Variants in NUMB observed in about 807,000 individuals in gnomAD.
The protein encoded by NUMB is protein numb homolog.
NUMB carries 29 observed loss-of-function variants against 59.7 expected under a neutral mutation model. The ratio of observed to expected loss-of-function variants is 0.49; its 90% CI spans 0.36 to 0.66. The LOEUF is 0.66. Among genes scored for constraint, NUMB ranks in the 30% least tolerant of loss-of-function variants. The pLI is 0.00. For missense variants in NUMB, 723 were observed against 822.0 expected (o/e 0.88, Z 1.47); for synonymous variants, 288 against 288.2 (o/e 1.00, Z 0.01).
chr14:73,307,119 C>G (rs1890482969), intron 6 of NUMB, among the ~76,000 whole-genome samples: 1 of 152,082 alleles, frequency 6.6e-6, no homozygotes, highest in African/African-American at 2.4e-5. Context: ...ACCACCCTGG[C>G]TAACACAGTG....
At position 73,276,568 on chromosome 14, in the gene NUMB, T is replaced by C. The variant is rs1406626490; in HGVS notation, c.*10A>G. The C allele has an allele frequency of 5.6e-6, 9 of 1,605,858 alleles. No homozygotes were observed. Among genetic ancestry groups the C allele is most frequent in the Non-Finnish European group, 6.8e-6 (8 of 1,174,214 alleles). On this transcript the variant is annotated 3_prime_UTR_variant, in exon 13 of 13. Transcript: ENST00000555238. ...CTGGTATGGACAAGATACATAGCCA[T>C]AATGATTGCTTAAAGTTCAATTTCA...
chr14:73,415,432 C>T (rs1897084092), intron 1 of NUMB, among the ~76,000 whole-genome samples: 1 of 152,100 alleles, frequency 6.6e-6, no homozygotes, highest in South Asian at 2.1e-4. Context: ...TCTATGATTA[C>T]ACTCCACATC....
rs368184305 is a variant in NUMB, at chr14:73,418,630, G to T, written c.-232-8562C>A. ...CTACTAAAAACACAAAATTAGCCAG[G>T]CATGGTGGCACATGCCTGTAATCCC... On this transcript the variant is annotated intron_variant, in intron 1 of 12. Coordinates refer to ENST00000555238, the MANE Select transcript of NUMB (RefSeq NM_001005743.2). Among the ~76,000 whole-genome samples the T allele has an allele frequency of 9.2e-5, 14 of 152,018 alleles. No homozygotes were observed. In the East Asian group the frequency reaches 2.7e-3, roughly 29 times the overall value.
chr14:73,441,310 G>A (rs1883047495), intron 1 of NUMB, among the ~76,000 whole-genome samples: 1 of 152,130 alleles, frequency 6.6e-6, no homozygotes, highest in East Asian at 1.9e-4. Flanking sequence ...AGTACTTTGG[G>A]AGGCCAAGGC....
chr14:73,438,778 A>C (rs982847019), intron 1 of NUMB, among the ~76,000 whole-genome samples: 3 of 152,170 alleles, frequency 2.0e-5, no homozygotes, highest in Admixed American at 1.3e-4. Context: ...AATAAATGTT[A>C]ATGTAATTTT....
Position 73,276,408 on chromosome 14 carries a change from A to T in NUMB, c.*170T>A. 1.7e-6 allele frequency: 1 copy of T among 575,530 alleles called. No individual in the cohort carries two copies. Among genetic ancestry groups the T allele is most frequent in the Non-Finnish European group, 3.0e-6 (1 of 330,124 alleles). The allele number at this position is 575,530 out of a possible 1,614,324, so 35.7% of individuals were successfully genotyped here. On this transcript the variant is annotated 3_prime_UTR_variant, in exon 13 of 13. Transcript: ENST00000555238. ...CTTTTCTCTAGGAATGCTTTTTCCC[A>T]TGTCTTTCAAAATCACCCCTCACAG... is the stretch of plus-strand genomic sequence containing the variant.
intron 1 of NUMB, among the ~76,000 whole-genome samples, chr14:73,436,614 A>G (rs1324184911): frequency 6.6e-6 from 1 of 152,084 alleles, no homozygotes; most frequent in Non-Finnish European, 1.5e-5. Flanking sequence ...CACCGTGCCC[A>G]GCTTTGAAGG....
At chr14:73,324,867 T>A (rs777044111) in intron 4 of NUMB, among the ~76,000 whole-genome samples, 32 of 152,108 alleles carry the variant, frequency 2.1e-4, no homozygotes, top group African/African-American at 7.7e-4. Flanking sequence ...ACTGAGAAAA[T>A]AACTTTCATC....
At chr14:73,319,943 A>T (rs1377615174) in intron 5 of NUMB, among the ~76,000 whole-genome samples, 1 of 152,138 alleles carries the variant, frequency 6.6e-6, no homozygotes, top group Non-Finnish European at 1.5e-5. Flanking sequence ...CACCCTGGCC[A>T]ACACGGTGAA....
At chr14:73,402,844 C>T (rs1350347307) in intron 2 of NUMB, among the ~76,000 whole-genome samples, 1 of 152,174 alleles carries the variant, frequency 6.6e-6, no homozygotes, top group Non-Finnish European at 1.5e-5. Flanking sequence ...TATTTTTAGT[C>T]CTTTGGTTCT....
At chr14:73,425,629 T>C (rs2140159118) in intron 1 of NUMB, among the ~76,000 whole-genome samples, 1 of 152,282 alleles carries the variant, frequency 6.6e-6, no homozygotes, top group Non-Finnish European at 1.5e-5. Flanking sequence ...ACTGTCTAAA[T>C]ACCAACAAGG....
At position 73,413,985 on chromosome 14, in the gene NUMB, C is replaced by T. The variant is rs188337858; in HGVS notation, c.-232-3917G>A. On this transcript the variant is annotated intron_variant, in intron 1 of 12. Coordinates refer to ENST00000555238, the MANE Select transcript of NUMB (RefSeq NM_001005743.2). Reference sequence around the variant, plus strand: ...TTTTTTTTTTTTTGATACAGAGTCTCACTCTGTCACCCAGGCTGGAGTGCA... The same window carrying T: ...TTTTTTTTTTTTTGATACAGAGTCTTACTCTGTCACCCAGGCTGGAGTGCA... 8.6e-4 allele frequency among the ~76,000 whole-genome samples: 127 copies of T among 148,080 alleles called. 1 individual carries two copies. The highest frequency in any genetic ancestry group is 3.2e-3 in the Admixed American group (48 of 14,850).
intron 1 of NUMB, among the ~76,000 whole-genome samples, chr14:73,451,489 C>T (rs1269837131): frequency 6.6e-6 from 1 of 151,484 alleles, no homozygotes; most frequent in Non-Finnish European, 1.5e-5. Flanking sequence ...GTGGCATGCC[C>T]CTGTAGTCCC....
intron 4 of NUMB, among the ~76,000 whole-genome samples, chr14:73,334,528 T>C (rs969061046): frequency 3.9e-5 from 6 of 152,186 alleles, no homozygotes; most frequent in Non-Finnish European, 7.4e-5. Context: ...AGAGACAGTT[T>C]TTGGTTTTGT....
At chr14:73,322,426 A>G (rs973364179) in intron 5 of NUMB, among the ~76,000 whole-genome samples, 1 of 152,224 alleles carries the variant, frequency 6.6e-6, no homozygotes, top group Non-Finnish European at 1.5e-5. Flanking sequence ...CAAGTGTGCT[A>G]AAGTTTATGT....
At chr14:73,457,182 T>C (rs764004167) in intron 1 of NUMB, among the ~76,000 whole-genome samples, 9 of 152,178 alleles carry the variant, frequency 5.9e-5, no homozygotes, top group Non-Finnish European at 1.0e-4. Context: ...CGAGTATGCC[T>C]ACCCTCTTTC....
chr14:73,456,499 T>C (rs996264705), intron 1 of NUMB, among the ~76,000 whole-genome samples: 1 of 152,262 alleles, frequency 6.6e-6, no homozygotes, highest in Non-Finnish European at 1.5e-5. Context: ...ACCTAGTACA[T>C]ACATGTAGGA....
rs1430589724 is a variant in NUMB, at chr14:73,394,317, A to G, written c.-101+15620T>C. ...GTATGTATACATTGTGAAATGGTTA[A>G]ATTGAGCTAATTAACATATCCATCA... is the stretch of plus-strand genomic sequence containing the variant. On this transcript the variant is annotated intron_variant, in intron 2 of 12. Coordinates refer to ENST00000555238, the MANE Select transcript of NUMB (RefSeq NM_001005743.2). 2.0e-5 allele frequency among the ~76,000 whole-genome samples: 3 copies of G among 152,062 alleles called. No homozygotes were observed. In the East Asian group the frequency reaches 5.8e-4, roughly 29 times the overall value.
At chr14:73,420,675 C>T (rs1897315024) in intron 1 of NUMB, among the ~76,000 whole-genome samples, 1 of 152,086 alleles carries the variant, frequency 6.6e-6, no homozygotes, top group African/African-American at 2.4e-5. Flanking sequence ...CAAAAATCAG[C>T]CAGGTGTCAT....
Sources: allele counts gnomAD v4.1 joint callset (sites outside exome capture counted in the v4.1 genomes callset), GRCh38; gene constraint gnomAD v4.1.1; transcripts MANE v1.5; gene names NCBI Gene and HGNC (gene_info 2026-07-23, HGNC 2026-07-21).